NEGR1: variants seen among roughly 807,000 people sequenced by gnomAD.
The protein encoded by NEGR1 is neuronal growth regulator 1.
NEGR1 carries 10 observed loss-of-function variants against 40.9 expected under a neutral mutation model. That is an observed-to-expected ratio of 0.24 (90% CI 0.15 to 0.42). NEGR1 has a LOEUF of 0.42. Ranked by LOEUF, NEGR1 falls within the 10% of genes least tolerant of loss-of-function variation. The pLI is 1.00. For synonymous variants in NEGR1, 185 were observed against 166.8 expected (o/e 1.11, Z -0.84); for missense variants, 352 against 438.9 (o/e 0.80, Z 1.77).
chr1:72,098,132 A>T (rs1648781698), intron 1 of NEGR1, among the ~76,000 whole-genome samples: 1 of 152,180 alleles, frequency 6.6e-6, no homozygotes, highest in South Asian at 2.1e-4. Context: ...TGATCTTTTA[A>T]CAGGAAAAAG....
At chr1:71,471,337 A>C (rs945932252) in intron 6 of NEGR1, among the ~76,000 whole-genome samples, 3 of 152,232 alleles carry the variant, frequency 2.0e-5, no homozygotes, top group Admixed American at 1.3e-4. Context: ...TGTGATTCTT[A>C]ACTAATTCTA....
intron 2 of NEGR1, among the ~76,000 whole-genome samples, chr1:71,882,146 G>A (rs1660599524): frequency 6.6e-6 from 1 of 152,052 alleles, no homozygotes; most frequent in African/African-American, 2.4e-5. Flanking sequence ...CACCAAAATG[G>A]ACTGTCATCT....
chr1:72,239,094 C>T (rs929512505), intron 1 of NEGR1, among the ~76,000 whole-genome samples: 1 of 151,554 alleles, frequency 6.6e-6, no homozygotes, highest in African/African-American at 2.4e-5. Flanking sequence ...GTGGTCCATT[C>T]AAGAATAATT....
At chr1:72,194,661 T>C (rs963770239) in intron 1 of NEGR1, among the ~76,000 whole-genome samples, 2 of 152,080 alleles carry the variant, frequency 1.3e-5, no homozygotes, top group East Asian at 3.9e-4. Flanking sequence ...ATCTAATAAA[T>C]GTGAAGATCT....
intron 1 of NEGR1, among the ~76,000 whole-genome samples, chr1:72,273,766 ATG>A (rs1655938078): frequency 2.6e-5 from 4 of 151,908 alleles, no homozygotes; most frequent in African/African-American, 9.6e-5. Context: ...AATATTTCCA[ATG>A]TATATCTCTT....
intron 6 of NEGR1, among the ~76,000 whole-genome samples, chr1:71,592,360 T>C (rs1416250241): frequency 6.6e-6 from 1 of 152,186 alleles, no homozygotes; most frequent in African/African-American, 2.4e-5. Flanking sequence ...TCCATGATCA[T>C]TTACTTACTG....
chr1:71,522,105 C>T (rs1234242492), intron 6 of NEGR1, among the ~76,000 whole-genome samples: 2 of 151,780 alleles, frequency 1.3e-5, no homozygotes, highest in Non-Finnish European at 2.9e-5. Flanking sequence ...CACACATGTC[C>T]TTGGTTCTAA....
intron 1 of NEGR1, among the ~76,000 whole-genome samples, chr1:72,054,464 C>T (rs962032998): frequency 6.6e-6 from 1 of 151,288 alleles, no homozygotes; most frequent in African/African-American, 2.4e-5. Flanking sequence ...AGCTACAGTG[C>T]ATAGTTTCAA....
chr1:71,992,965 A>G (rs1308449397), intron 1 of NEGR1, among the ~76,000 whole-genome samples: 1 of 152,234 alleles, frequency 6.6e-6, no homozygotes, highest in Non-Finnish European at 1.5e-5. Flanking sequence ...CTGTCCTATT[A>G]TCATGCTACA....
chr1:71,989,742 TTC>T (rs560739940), intron 1 of NEGR1, among the ~76,000 whole-genome samples: 353 of 152,294 alleles, frequency 2.3e-3, no homozygotes, highest in African/African-American at 8.0e-3. Context: ...TTAAAAAAAC[TTC>T]TTTTTTAAAT....
Position 71,758,717 on chromosome 1 carries a change from C to G in NEGR1, c.535+17455G>C, listed in dbSNP as rs187433025. On this transcript the variant is annotated intron_variant, in intron 3 of 6. Transcript: ENST00000357731. ...TCAAAACTCTTCTAATAATAATTTACTGCAAGCCAACCATGTGCTCTTCTC... is the reference window on the plus strand; with the variant it reads ...TCAAAACTCTTCTAATAATAATTTAGTGCAAGCCAACCATGTGCTCTTCTC... 2.2e-3 allele frequency among the ~76,000 whole-genome samples: 328 copies of G among 152,266 alleles called. 1 individual carries two copies. Among genetic ancestry groups the G allele is most frequent in the African/African-American group, 6.8e-3 (284 of 41,566 alleles).
Position 71,935,182 on chromosome 1 carries a change from G to C in NEGR1, c.306C>G (p.Ser102Arg). The change falls in exon 2 of 7, where the codon AGC (serine) becomes AGG (arginine). Residue 102 changes from serine (S) to arginine (R), a missense_variant. Physicochemically the swap from Ser to Arg is moderately radical, Grantham distance 110. This residue lies in a region of NEGR1 where 30 missense variants were observed against 64.4 expected (regional missense o/e 0.47). Transcript: ENST00000357731. ...SISTLNKRDY[S>R]LQIQNVDVTD... ...TCACATCTACATTCTGTATCTGGAG[G>C]CTGTAGTCCCTTTTATTCAATGTTG... The C allele has an allele frequency of 6.2e-7, 1 of 1,613,256 alleles. No homozygotes were observed. Among genetic ancestry groups the C allele is most frequent in the Non-Finnish European group, 8.5e-7 (1 of 1,179,306 alleles).
chr1:71,883,251 C>G (rs118080933), intron 2 of NEGR1, among the ~76,000 whole-genome samples: 1 of 151,952 alleles, frequency 6.6e-6, no homozygotes, highest in Non-Finnish European at 1.5e-5. Context: ...CACCTTAATT[C>G]TATAATGTTA....
intron 2 of NEGR1, among the ~76,000 whole-genome samples, chr1:71,930,326 T>G (rs950443523): frequency 2.0e-5 from 3 of 152,188 alleles, no homozygotes; most frequent in African/African-American, 4.8e-5. Flanking sequence ...ATCAGAGTAC[T>G]GAGAAAAGTA....
At chr1:71,977,821 C>CA (rs35650252) in intron 1 of NEGR1, among the ~76,000 whole-genome samples, 219 of 122,816 alleles carry the variant, frequency 1.8e-3, no homozygotes, top group East Asian at 4.7e-3. Context: ...AAGCGCAAAA[C>CA]AAAAAAAAAA....
At chr1:71,973,929 T>C (rs922535341) in intron 1 of NEGR1, among the ~76,000 whole-genome samples, 1 of 152,240 alleles carries the variant, frequency 6.6e-6, no homozygotes, top group African/African-American at 2.4e-5. Context: ...TTCTTTTCTT[T>C]TCTTTAGCAC....
intron 1 of NEGR1, among the ~76,000 whole-genome samples, chr1:72,117,181 T>A (rs978583152): frequency 2.6e-5 from 4 of 151,830 alleles, no homozygotes; most frequent in Non-Finnish European, 5.9e-5. Context: ...GCAACAATGG[T>A]CCATTCTTCT....
intron 1 of NEGR1, among the ~76,000 whole-genome samples, chr1:71,950,468 A>G (rs1431042925): frequency 6.6e-6 from 1 of 151,964 alleles, no homozygotes; most frequent in Non-Finnish European, 1.5e-5. Context: ...TACTTGAAAT[A>G]TTTTCATCCT....
chr1:72,027,329 AT>A (rs1646819202), intron 1 of NEGR1, among the ~76,000 whole-genome samples: 1 of 152,166 alleles, frequency 6.6e-6, no homozygotes, highest in South Asian at 2.1e-4. Context: ...TTTTTAGCAC[AT>A]TTTGAGAAAG....
Sources: allele counts gnomAD v4.1 joint callset (sites outside exome capture counted in the v4.1 genomes callset), GRCh38; gene constraint gnomAD v4.1.1; regional missense constraint gnomAD v4.1.1; transcripts MANE v1.5; gene names NCBI Gene and HGNC (gene_info 2026-07-23, HGNC 2026-07-21).